The following YME1L1 variants were observed in gnomAD, a reference collection of about 807,000 sequenced individuals.
YME1L1 encodes the protein ATP-dependent zinc metalloprotease YME1L1.
Under a neutral mutation model 90.4 loss-of-function variants are expected in YME1L1, and 39 were observed. That is an observed-to-expected ratio of 0.43 (90% CI 0.33 to 0.56). YME1L1 has a LOEUF of 0.56. YME1L1 is among the 20% of genes least tolerant of loss of function. The pLI is 0.03. For missense variants in YME1L1, 617 were observed against 868.4 expected (o/e 0.71, Z 3.64); for synonymous variants, 284 against 287.3 (o/e 0.99, Z 0.12).
chr10:27,147,518 G>A (rs753883220), intron 2 of YME1L1: 5 of 1,608,850 alleles, frequency 3.1e-6, no homozygotes, highest in South Asian at 1.1e-5. Context: ...AGGGAGAAGG[G>A]TTCTGGACGG....
chr10:27,124,612 T>G (rs1490142675), intron 9 of YME1L1, among the ~76,000 whole-genome samples: 1 of 152,218 alleles, frequency 6.6e-6, no homozygotes, highest in Non-Finnish European at 1.5e-5. Context: ...TTAACTGGTT[T>G]AAATCATATT....
At chr10:27,152,009 T>C (rs1162989212) in intron 1 of YME1L1, among the ~76,000 whole-genome samples, 2 of 152,202 alleles carry the variant, frequency 1.3e-5, no homozygotes, top group African/African-American at 4.8e-5. Context: ...ATCTTATTTA[T>C]ACTTTCAGCA....
intron 6 of YME1L1, among the ~76,000 whole-genome samples, chr10:27,134,587 A>G (rs963532349): frequency 1.3e-5 from 2 of 152,240 alleles, no homozygotes; most frequent in African/African-American, 4.8e-5. Context: ...AAACAAACAC[A>G]AACAAAAAAT....
At chr10:27,125,094 A>G (rs2056903675) in intron 9 of YME1L1, among the ~76,000 whole-genome samples, 1 of 152,204 alleles carries the variant, frequency 6.6e-6, no homozygotes, top group Admixed American at 6.5e-5. Context: ...ACAAGCATTA[A>G]AAAGGAGTGT....
At chr10:27,146,464 T>C (rs2057144543) in intron 2 of YME1L1, 1 of 152,194 alleles carries the variant, frequency 6.6e-6, no homozygotes, top group Non-Finnish European at 1.5e-5. Context: ...TAAAGGCAAG[T>C]AACAATTACA....
intron 7 of YME1L1, among the ~76,000 whole-genome samples, chr10:27,133,637 T>C (rs549035484): frequency 3.3e-5 from 5 of 152,228 alleles, no homozygotes; most frequent in Non-Finnish European, 5.9e-5. Flanking sequence ...GAAAAGGTAA[T>C]TGGAACCACG....
At chr10:27,152,805 T>C (rs2057237265) in intron 1 of YME1L1, among the ~76,000 whole-genome samples, 1 of 152,134 alleles carries the variant, frequency 6.6e-6, no homozygotes, top group Non-Finnish European at 1.5e-5. Flanking sequence ...CTGCAACAGC[T>C]TTAATTGGGG....
intron 3 of YME1L1, among the ~76,000 whole-genome samples, chr10:27,145,084 T>C (rs1210188791): frequency 1.3e-5 from 2 of 152,104 alleles, no homozygotes; most frequent in Non-Finnish European, 2.9e-5. Context: ...GAGCTTGCAG[T>C]GAGCGGAGAT....
At chr10:27,134,704 T>C (rs1160653671) in intron 6 of YME1L1, 127 bp downstream of exon 6, 3 of 964,050 alleles carry the variant, frequency 3.1e-6, no homozygotes, top group Admixed American at 2.6e-5. Flanking sequence ...CTACATAGAT[T>C]AAGTTACAAA....
chr10:27,141,281 A>G (rs572759907), intron 4 of YME1L1, among the ~76,000 whole-genome samples: 2 of 152,256 alleles, frequency 1.3e-5, no homozygotes, highest in African/African-American at 4.8e-5. Flanking sequence ...CTGTAATCCC[A>G]GCTCCTCAGG....
chr10:27,128,460 C>T (rs565687299), intron 8 of YME1L1, among the ~76,000 whole-genome samples: 2 of 152,162 alleles, frequency 1.3e-5, no homozygotes, highest in South Asian at 2.1e-4. Context: ...CCAGGACAGG[C>T]GTGGTGGCTC....
rs541076623 is a variant in YME1L1, at chr10:27,145,321, A to G, written c.331+107T>C. On this transcript the variant is annotated intron_variant, in intron 3 of 18. Transcript: ENST00000376016. ...AAAAACAAAAAAAAAACACTTCAGG[A>G]AAGAACCCAGCCCACAATAAACGCT... The G allele has an allele frequency of 2.4e-5, 22 of 927,668 alleles. No individual in the cohort carries two copies. The Admixed American group carries it at 4.2e-4, about 18-fold the overall frequency. The allele number at this position is 927,668 out of a possible 1,614,324, so 57.5% of individuals were successfully genotyped here. A position where few individuals can be genotyped will look rare whatever the true frequency, so the allele number is the denominator to read the frequency against.
chr10:27,135,305 A>G (rs939084932), intron 5 of YME1L1, among the ~76,000 whole-genome samples: 1 of 152,206 alleles, frequency 6.6e-6, no homozygotes, highest in Non-Finnish European at 1.5e-5. Flanking sequence ...AAAAAATCTC[A>G]TTAATTTACT....
intron 2 of YME1L1, chr10:27,146,069 G>C (rs2057140882): frequency 6.5e-6 from 1 of 152,786 alleles, no homozygotes. Context: ...TAAGGTCCAG[G>C]GGATTTTCCC....
At chr10:27,147,791 G>A in intron 2 of YME1L1, 1 of 1,375,688 alleles carries the variant, frequency 7.3e-7, no homozygotes, top group South Asian at 1.4e-5. Flanking sequence ...CCAAACCCTG[G>A]CTCCTGGCGT....
chr10:27,140,095 G>T (rs1312882029), intron 4 of YME1L1, among the ~76,000 whole-genome samples: 3 of 152,006 alleles, frequency 2.0e-5, no homozygotes, highest in African/African-American at 7.2e-5. Context: ...CATCTCCCAG[G>T]TTCAAGCGAT....
At chr10:27,153,971 C>T (rs1007560248) in intron 1 of YME1L1, among the ~76,000 whole-genome samples, 3 of 152,220 alleles carry the variant, frequency 2.0e-5, no homozygotes, top group African/African-American at 7.2e-5. Flanking sequence ...CATCCCGCCT[C>T]TGCCCTCAAC....
intron 17 of YME1L1, among the ~76,000 whole-genome samples, chr10:27,114,849 A>T (rs1163154294): frequency 1.3e-5 from 2 of 152,082 alleles, no homozygotes; most frequent in Non-Finnish European, 2.9e-5. Context: ...AAACACGGAG[A>T]AACGCCATTT....
At chr10:27,133,760 T>C (rs1378812979) in intron 7 of YME1L1, among the ~76,000 whole-genome samples, 2 of 152,172 alleles carry the variant, frequency 1.3e-5, no homozygotes, top group Non-Finnish European at 2.9e-5. Flanking sequence ...GAAGACTATT[T>C]CAGCTTGTAT....
Sources: allele counts gnomAD v4.1 joint callset (sites outside exome capture counted in the v4.1 genomes callset), GRCh38; gene constraint gnomAD v4.1.1; transcripts MANE v1.5; gene names NCBI Gene and HGNC (gene_info 2026-07-23, HGNC 2026-07-21).